Variants in TADA2A observed in about 807,000 individuals in gnomAD.
TADA2A encodes transcriptional adaptor 2A.
TADA2A carries 38 observed loss-of-function variants against 67.4 expected under a neutral mutation model. The ratio of observed to expected loss-of-function variants is 0.56; its 90% CI spans 0.44 to 0.74. TADA2A has a LOEUF of 0.74. Ranked by LOEUF, TADA2A falls within the 30% of genes least tolerant of loss-of-function variation. The pLI is 0.00. For synonymous variants in TADA2A, 192 were observed against 181.6 expected, an observed-to-expected ratio of 1.06 and a Z score of -0.46; for missense variants, 454 against 547.0, an observed-to-expected ratio of 0.83 and a Z score of 1.70.
chr17:37,412,325 T>C (rs1368291954), intron 2 of TADA2A, among the ~76,000 whole-genome samples: 2 of 151,796 alleles, frequency 1.3e-5, no homozygotes, highest in Non-Finnish European at 2.9e-5. Context: ...ACCAATAACA[T>C]GTTTCAGGCA....
intron 9 of TADA2A, among the ~76,000 whole-genome samples, chr17:37,460,841 G>C (rs925929285): frequency 6.6e-6 from 1 of 152,094 alleles, no homozygotes; most frequent in African/African-American, 2.4e-5. Flanking sequence ...GCAATAAAAA[G>C]GAGAGAAGCC....
chr17:37,444,386 C>T (rs1488070401), intron 7 of TADA2A, among the ~76,000 whole-genome samples: 4 of 145,016 alleles, frequency 2.8e-5, no homozygotes, highest in Admixed American at 7.3e-5. Context: ...TCCTGAGTAG[C>T]TGGGATTATA....
chr17:37,474,203 C>T (rs2053848052), intron 14 of TADA2A, among the ~76,000 whole-genome samples: 1 of 152,140 alleles, frequency 6.6e-6, no homozygotes, highest in African/African-American at 2.4e-5. Flanking sequence ...CGCAACACTG[C>T]ACTCCAGCCT....
intron 1 of TADA2A, chr17:37,407,214 C>G (rs1404141281): frequency 2.0e-5 from 3 of 152,076 alleles, no homozygotes; most frequent in Non-Finnish European, 4.4e-5. Flanking sequence ...CCCAGTGCCC[C>G]GGCCTCGCCA....
At chr17:37,468,442 TG>T (rs1305352153) in intron 12 of TADA2A, among the ~76,000 whole-genome samples, 1 of 152,172 alleles carries the variant, frequency 6.6e-6, no homozygotes. Context: ...GTTAAGAGCT[TG>T]GGTCTAGACT....
chr17:37,437,343 G>A (rs942607577), intron 4 of TADA2A, among the ~76,000 whole-genome samples: 4 of 150,622 alleles, frequency 2.7e-5, no homozygotes, highest in African/African-American at 4.9e-5. Context: ...CGCCCTCCTC[G>A]ACCTCCCAAA....
intron 5 of TADA2A, among the ~76,000 whole-genome samples, chr17:37,439,882 AAAATTTAC>A (rs1253523640): frequency 6.6e-6 from 1 of 151,362 alleles, no homozygotes; most frequent in African/African-American, 2.4e-5. Flanking sequence ...AGCTCACAGG[AAAATTTAC>A]AAATTTTCCA....
At chr17:37,462,176 A>C in intron 10 of TADA2A, 55 bp downstream of exon 10, 1 of 1,202,874 alleles carries the variant, frequency 8.3e-7, no homozygotes, top group Non-Finnish European at 1.2e-6. Flanking sequence ...TTATTGAATA[A>C]TTTTAAATAA....
Position 37,478,438 on chromosome 17 carries a change from A to G in TADA2A, c.*1456A>G, listed in dbSNP as rs1432901587. ...GGATGGAGATGATGCAACAAACCTC[A>G]GCTTTGCTTGGATTGTGACTTGAAC... On this transcript the variant is annotated 3_prime_UTR_variant, in exon 16 of 16. Coordinates refer to ENST00000615182, the MANE Select transcript of TADA2A (RefSeq NM_001166105.3). 1 of 152,198 alleles carries G rather than the reference A, an allele frequency of 6.6e-6. No individual in the cohort carries two copies. Among genetic ancestry groups the G allele is most frequent in the Non-Finnish European group, 1.5e-5 (1 of 68,038 alleles). 9.4% of individuals were successfully genotyped at this position (152,198 alleles called of 1,614,324 possible).
rs531145748 is a variant in TADA2A at position 37,411,372 on chromosome 17, C to T, written c.7C>T (p.Arg3Cys). MD[R>C]LGSFSNDPSD... is the part of the protein sequence containing the mutation. ...ACTCGTTGCCAATTAGGGAATGGACCGTTTGGGTTCCTTTAGCAGTAAGTA... is the reference window on the plus strand; with the variant it reads ...ACTCGTTGCCAATTAGGGAATGGACTGTTTGGGTTCCTTTAGCAGTAAGTA... The change falls in exon 2 of 16, where the codon CGT (arginine) becomes TGT (cysteine). Residue 3 changes from arginine to cysteine, a missense_variant. Transcript: ENST00000615182. The T allele has an allele frequency of 9.9e-6, 16 of 1,613,768 alleles. No homozygotes were observed. The highest frequency in any genetic ancestry group is 3.3e-5 in the South Asian group (3 of 91,078).
chr17:37,473,772 G>T (rs531980510), intron 14 of TADA2A, among the ~76,000 whole-genome samples: 1 of 152,262 alleles, frequency 6.6e-6, no homozygotes, highest in Non-Finnish European at 1.5e-5. Context: ...CCATATAATG[G>T]CTCATTGTTC....
chr17:37,453,263 T>C (rs2053281766), intron 8 of TADA2A, among the ~76,000 whole-genome samples: 1 of 152,226 alleles, frequency 6.6e-6, no homozygotes. Context: ...TATCAGAATT[T>C]ATCTCTATTA....
intron 3 of TADA2A, among the ~76,000 whole-genome samples, chr17:37,425,313 A>G (rs991234275): frequency 4.6e-5 from 7 of 152,192 alleles, no homozygotes; most frequent in African/African-American, 1.7e-4. Flanking sequence ...GGGAAGAAAC[A>G]ATTTTTGTGG....
chr17:37,477,882 GA>G lies in TADA2A; in HGVS notation c.*901del, dbSNP rs1340481368. The G allele has an allele frequency of 1.3e-5, 2 of 152,076 alleles. No individual in the cohort carries two copies. Among genetic ancestry groups the G allele is most frequent in the African/African-American group, 4.8e-5 (2 of 41,428 alleles). 9.4% of individuals were successfully genotyped at this position (152,076 alleles called of 1,614,324 possible). On this transcript the variant is annotated 3_prime_UTR_variant, in exon 16 of 16. Transcript: ENST00000615182. ...CTCACCTGTAATCCCAGCACTTTGG[GA>G]GGCTAAGGTGGGCGGATCACGAAGT...
intron 10 of TADA2A, among the ~76,000 whole-genome samples, chr17:37,463,925 C>G (rs2053603819): frequency 6.6e-6 from 1 of 151,942 alleles, no homozygotes; most frequent in Non-Finnish European, 1.5e-5. Flanking sequence ...TGCTCTCCAG[C>G]CTGGGCGACA....
chr17:37,429,750 T>C (rs1010767392), intron 4 of TADA2A, among the ~76,000 whole-genome samples: 1 of 152,240 alleles, frequency 6.6e-6, no homozygotes, highest in Non-Finnish European at 1.5e-5. Context: ...TAGGCCACAA[T>C]GAATTAATCA....
intron 10 of TADA2A, among the ~76,000 whole-genome samples, chr17:37,464,164 G>C (rs946917844): frequency 6.6e-6 from 1 of 152,184 alleles, no homozygotes; most frequent in Non-Finnish European, 1.5e-5. Flanking sequence ...TGGATTAGTT[G>C]TTTGGTCAGT....
intron 3 of TADA2A, 26 bp downstream of exon 3, chr17:37,423,641 T>C (rs2052313973): frequency 7.2e-6 from 11 of 1,535,714 alleles, no homozygotes; most frequent in African/African-American, 1.4e-5. Context: ...TGGCTTCTCC[T>C]AGCCTAGTTT....
At chr17:37,411,499 T>C in intron 2 of TADA2A, 109 bp downstream of exon 2, 1 of 1,027,808 alleles carries the variant, frequency 9.7e-7, no homozygotes. Context: ...GTTGGCTCAC[T>C]GCAACTTCTG....
Sources: gnomAD v4.1 joint callset for allele counts (sites outside exome capture counted in the v4.1 genomes callset) on GRCh38, gnomAD v4.1.1 for gene constraint, MANE v1.5 for transcripts, NCBI Gene and HGNC (gene_info 2026-07-23, HGNC 2026-07-21) for gene names.